Variants in ERBIN observed in about 807,000 individuals in gnomAD.
The protein encoded by ERBIN is densin-180-like protein.
In ERBIN, 60 loss-of-function variants were observed where a neutral mutation model predicts 158.4. The ratio of observed to expected loss-of-function variants is 0.38; its 90% confidence interval spans 0.31 to 0.47. The LOEUF is 0.47. Ranked by LOEUF, ERBIN falls within the 20% of genes least tolerant of loss-of-function variation. The pLI is 0.99. For synonymous variants in ERBIN, 594 were observed against 557.2 expected (o/e 1.07, Z -0.93); for missense variants, 1,610 against 1,648.0 (o/e 0.98, Z 0.40).
intron 1 of ERBIN, among the ~76,000 whole-genome samples, chr5:65,950,246 C>A (rs1001895999): frequency 3.3e-5 from 5 of 152,162 alleles, no homozygotes; most frequent in African/African-American, 9.7e-5. Flanking sequence ...ACCTCGTGAT[C>A]CCCCTGCCTT....
intron 21 of ERBIN, chr5:66,068,755 T>G: frequency 2.5e-6 from 2 of 786,654 alleles, no homozygotes; most frequent in Non-Finnish European, 3.7e-6. Flanking sequence ...TAATGAAAAT[T>G]AGTGTTGCAT....
intron 4 of ERBIN, among the ~76,000 whole-genome samples, chr5:66,011,243 A>G (rs539117397): frequency 6.6e-6 from 1 of 152,324 alleles, no homozygotes; most frequent in South Asian, 2.1e-4. Context: ...GAAAGAGAAA[A>G]TGTTTCATTA....
At chr5:66,016,630 T>C (rs75261320) in intron 7 of ERBIN, among the ~76,000 whole-genome samples, 2 of 151,070 alleles carry the variant, frequency 1.3e-5, no homozygotes, top group Non-Finnish European at 2.9e-5. Flanking sequence ...TTTTTTTTTT[T>C]TGAGACGGAG....
chr5:66,046,603 A>G (rs1758473234), intron 18 of ERBIN, 65 bp downstream of exon 18: 1 of 1,290,432 alleles, frequency 7.7e-7, no homozygotes, highest in Middle Eastern at 2.0e-4. Context: ...TATTGTTGCT[A>G]AATAAAGACC....
At chr5:66,058,860 A>G (rs1477769534) in intron 21 of ERBIN, among the ~76,000 whole-genome samples, 6 of 151,882 alleles carry the variant, frequency 4.0e-5, no homozygotes, top group Admixed American at 3.9e-4. Flanking sequence ...ATGCGGCATT[A>G]TTTCTGAGGG....
rs1474840891 is a variant in ERBIN, at chr5:66,023,321, A to C, written c.629A>C (p.Lys210Thr). ...PEVLEQLSGLKEFWMDANRLT... is the reference protein window; with the variant it reads ...PEVLEQLSGLTEFWMDANRLT... ...GTACTTGAGCAACTAAGTGGATTGAAAGAGTTTTGGATGGATGCTAATAGA... is the reference window on the plus strand; with the variant it reads ...GTACTTGAGCAACTAAGTGGATTGACAGAGTTTTGGATGGATGCTAATAGA... Residue 210 changes from lysine to threonine, a missense_variant, in exon 9 of 26, where the codon AAA becomes ACA. Transcript: ENST00000284037. 1 of 1,613,316 alleles carries C rather than the reference A, an allele frequency of 6.2e-7. No homozygotes were observed. Among genetic ancestry groups the C allele is most frequent in the East Asian group, 2.2e-5 (1 of 44,770 alleles).
chr5:65,989,266 G>A (rs1268480459), intron 2 of ERBIN, among the ~76,000 whole-genome samples: 1 of 152,132 alleles, frequency 6.6e-6, no homozygotes, highest in East Asian at 1.9e-4. Flanking sequence ...TCTTTCGTAT[G>A]TTACTTTCCT....
chr5:65,938,133 A>G lies in ERBIN; in HGVS notation c.-58+11327A>G, dbSNP rs979618183. On this transcript the variant is annotated intron_variant, in intron 1 of 25. Transcript: ENST00000284037. ...GCATATTTGTTATTTTTAAGAAACCATATATTTTTGTTATATTTATTTCTA... is the reference window on the plus strand; with the variant it reads ...GCATATTTGTTATTTTTAAGAAACCGTATATTTTTGTTATATTTATTTCTA... Among the ~76,000 whole-genome samples, 4 of 152,260 alleles carry G rather than the reference A, an allele frequency of 2.6e-5. No individual in the cohort carries two copies. In the South Asian group the frequency reaches 8.3e-4, roughly 32 times the overall value.
intron 3 of ERBIN, among the ~76,000 whole-genome samples, chr5:65,993,708 G>A (rs1271435922): frequency 6.6e-6 from 1 of 152,084 alleles, no homozygotes; most frequent in Non-Finnish European, 1.5e-5. Context: ...TTCAGTATGT[G>A]TGGGCAGCAT....
At chr5:66,034,589 A>T (rs1421528495) in intron 14 of ERBIN, among the ~76,000 whole-genome samples, 2 of 150,428 alleles carry the variant, frequency 1.3e-5, no homozygotes, top group Admixed American at 1.3e-4. Context: ...GCACAACCTC[A>T]TAGCTGTTCT....
At chr5:66,077,150 CA>C (rs397977892) in intron 25 of ERBIN, among the ~76,000 whole-genome samples, 9,695 of 74,708 alleles carry the variant, frequency 0.13, 268 homozygotes, top group African/African-American at 0.2. Context: ...GACTCTGTCT[CA>C]AAAAAAAAAA....
At chr5:66,016,895 G>C (rs146630214) in intron 7 of ERBIN, among the ~76,000 whole-genome samples, 180 of 152,126 alleles carry the variant, frequency 1.2e-3, no homozygotes, top group African/African-American at 4.2e-3. Context: ...GATTACAGGC[G>C]TGAGCCACCA....
Position 66,075,165 on chromosome 5 carries a change from C to T in ERBIN, c.3898C>T (p.His1300Tyr), listed in dbSNP as rs1289419046. The change falls in exon 23 of 26, where the codon CAC becomes TAC. Residue 1300 changes from histidine (H) to tyrosine (Y), a missense_variant. By Grantham distance (83) the His-to-Tyr change is moderately conservative. Coordinates refer to ENST00000284037, the MANE Select transcript of ERBIN (RefSeq NM_001253697.2). ...TGATTACTTGATGCTGAAAGTGGCC[C>T]ACCAGCCTCCATATACACAGCCCCA... ...LIDYLMLKVA[H>Y]QPPYTQPHCS... The T allele has an allele frequency of 6.2e-7, 1 of 1,614,130 alleles. No individual in the cohort carries two copies. Among genetic ancestry groups the T allele is most frequent in the East Asian group, 2.2e-5 (1 of 44,874 alleles).
In ERBIN at chr5:66,048,169, T is replaced by C. The variant is rs182080067; in HGVS notation, c.1789-498T>C. ...TGTTACTGAATAACATAAAATGTTA[T>C]GTTATTAACATTTTATGTTACTGAA... is the stretch of plus-strand genomic sequence containing the variant. On this transcript the variant is annotated intron_variant, in intron 18 of 25. Coordinates refer to ENST00000284037, the MANE Select transcript of ERBIN (RefSeq NM_001253697.2). Among the ~76,000 whole-genome samples the C allele has an allele frequency of 9.5e-4, 144 of 151,958 alleles. 1 individual carries two copies. In the South Asian group the frequency reaches 0.014, roughly 15 times the overall value.
chr5:66,082,058 C>T lies in ERBIN; in HGVS notation c.*3528C>T, dbSNP rs1762409838. ...ATAAGCCCAGGGGATAGTAAGTAGT[C>T]ATTTAGTTTTGGAAAGTTCTTAAGA... On this transcript the variant is annotated 3_prime_UTR_variant, in exon 26 of 26. Coordinates refer to ENST00000284037, the MANE Select transcript of ERBIN (RefSeq NM_001253697.2). The T allele has an allele frequency of 6.6e-6, 1 of 152,032 alleles. No homozygotes were observed. The highest frequency in any genetic ancestry group is 2.4e-5 in the African/African-American group (1 of 41,400). The allele number at this position is 152,032 out of a possible 1,614,324, so 9.4% of individuals were successfully genotyped here. A position where few individuals can be genotyped will look rare whatever the true frequency, so the allele number is the denominator to read the frequency against.
At chr5:66,043,607 A>G (rs1043830008) in intron 16 of ERBIN, among the ~76,000 whole-genome samples, 1 of 152,058 alleles carries the variant, frequency 6.6e-6, no homozygotes, top group Non-Finnish European at 1.5e-5. Context: ...ACTCTTTGTT[A>G]TGAACATTTT....
At chr5:65,995,165 G>T (rs1422545423) in intron 4 of ERBIN, among the ~76,000 whole-genome samples, 3 of 152,020 alleles carry the variant, frequency 2.0e-5, no homozygotes, top group Non-Finnish European at 4.4e-5. Context: ...GGATTTTTTT[G>T]TTGTTGTTTT....
chr5:66,050,937 A>G lies in ERBIN; in HGVS notation c.2058A>G (p.Gln686=). The change falls in exon 20 of 26, where the codon CAA becomes CAG. Residue 686 remains glutamine, a synonymous_variant. Transcript: ENST00000284037. Reference sequence around the variant, plus strand: ...CCTCACTCTGCTCTCCAGTGAAACAAACTCATATTGATATTAATTCCAAAA... The same window carrying G: ...CCTCACTCTGCTCTCCAGTGAAACAGACTCATATTGATATTAATTCCAAAA... ...QDTSLCSPVK[Q]THIDINSKIR... is the part of the protein sequence containing the mutation. 6.2e-7 allele frequency: 1 copy of G among 1,605,122 alleles called. No homozygotes were observed. The highest frequency in any genetic ancestry group is 8.5e-7 in the Non-Finnish European group (1 of 1,177,686).
intron 1 of ERBIN, among the ~76,000 whole-genome samples, chr5:65,938,773 G>C (rs146623876): frequency 0.012 from 1,755 of 151,958 alleles, 18 homozygotes; most frequent in Non-Finnish European, 0.018. Context: ...GGCTGATCTC[G>C]AACTCCTGAC....
Sources: gnomAD v4.1 joint callset for allele counts (sites outside exome capture counted in the v4.1 genomes callset) on GRCh38, gnomAD v4.1.1 for gene constraint, MANE v1.5 for transcripts, NCBI Gene and HGNC (gene_info 2026-07-23, HGNC 2026-07-21) for gene names.